SRPK2: variants seen among roughly 807,000 people sequenced by gnomAD.
SRPK2 encodes the protein SFRS protein kinase 2.
A neutral mutation model predicts 90.8 loss-of-function variants in SRPK2; 21 were observed. The observed-to-expected ratio is 0.23, with a 90% CI of 0.16 to 0.33. The LOEUF is 0.33. Among genes scored for constraint, SRPK2 ranks in the 10% least tolerant of loss-of-function variants. The probability of loss-of-function intolerance (pLI) is 1.00; values close to 1 mark genes in which losing one functional copy is unlikely to be tolerated. For missense variants in SRPK2, 620 were observed against 869.0 expected, an observed-to-expected ratio of 0.71 and a Z score of 3.60; for synonymous variants, 288 against 311.1, an observed-to-expected ratio of 0.93 and a Z score of 0.78.
At chr7:105,319,504 C>CGGGGGGGGG (rs796955446) in intron 2 of SRPK2, among the ~76,000 whole-genome samples, 1 of 5,306 alleles carries the variant, frequency 1.9e-4, no homozygotes, top group Non-Finnish European at 9.3e-4. Context: ...GCACTTGCGG[C>CGGGGGGGGG]GGGGGGGGGG....
chr7:105,397,978 G>C (rs568444607), intron 1 of SRPK2, among the ~76,000 whole-genome samples: 2 of 152,136 alleles, frequency 1.3e-5, no homozygotes, highest in African/African-American at 2.4e-5. Context: ...GATAAATAAT[G>C]TAATGAGGAT....
chr7:105,271,986 T>C (rs1026967119), intron 2 of SRPK2, among the ~76,000 whole-genome samples: 6 of 152,202 alleles, frequency 3.9e-5, no homozygotes, highest in African/African-American at 1.4e-4. Context: ...TCCTCTAATA[T>C]GCTTTATAAT....
At chr7:105,282,433 T>C (rs10248422) in intron 2 of SRPK2, among the ~76,000 whole-genome samples, 3 of 152,198 alleles carry the variant, frequency 2.0e-5, no homozygotes, top group South Asian at 4.1e-4. Context: ...AGGTATGACA[T>C]GAAAAGCACA....
chr7:105,210,894 T>TC (rs1354038774), intron 2 of SRPK2, among the ~76,000 whole-genome samples: 9 of 151,994 alleles, frequency 5.9e-5, no homozygotes, highest in Non-Finnish European at 1.2e-4. Context: ...GTGACGGTGC[T>TC]CCCTGCCAAC....
intron 6 of SRPK2, among the ~76,000 whole-genome samples, chr7:105,162,610 G>A (rs1272978730): frequency 6.6e-6 from 1 of 152,070 alleles, no homozygotes; most frequent in Admixed American, 6.5e-5. Context: ...TTTCTATACT[G>A]TTTAAGAATG....
chr7:105,374,067 A>AC (rs1820012583), intron 2 of SRPK2, among the ~76,000 whole-genome samples: 1 of 152,080 alleles, frequency 6.6e-6, no homozygotes, highest in Non-Finnish European at 1.5e-5. Flanking sequence ...AGCTGGGATT[A>AC]TGGCACATGC....
chr7:105,332,952 T>C lies in SRPK2; in HGVS notation c.71+55696A>G, dbSNP rs975903869. ...GGCTCACACCTGTAATTCCAGCCCT[T>C]TGGGAGGCCAAGGTGGGTAGGTCAC... On this transcript the variant is annotated intron_variant, in intron 2 of 15. Transcript: ENST00000393651. The C allele has an allele frequency of 4.6e-5, 7 of 151,794 alleles. No individual in the cohort carries two copies. In the East Asian group the frequency reaches 5.9e-4, roughly 13 times the overall value. The allele number at this position is 151,794 out of a possible 1,614,324, so 9.4% of individuals were successfully genotyped here. A position where few individuals can be genotyped will look rare whatever the true frequency, so the allele number is the denominator to read the frequency against.
At chr7:105,368,654 G>T (rs545927164) in intron 2 of SRPK2, among the ~76,000 whole-genome samples, 1 of 152,266 alleles carries the variant, frequency 6.6e-6, no homozygotes, top group South Asian at 2.1e-4. Flanking sequence ...GGAGGCCAGG[G>T]TTGGTGGATC....
chr7:105,367,364 G>C (rs1819194789), intron 2 of SRPK2, among the ~76,000 whole-genome samples: 1 of 152,108 alleles, frequency 6.6e-6, no homozygotes, highest in Non-Finnish European at 1.5e-5. Flanking sequence ...CTGGGGTCAA[G>C]CAATCCTCCC....
intron 2 of SRPK2, among the ~76,000 whole-genome samples, chr7:105,323,803 C>G (rs1246918709): frequency 6.6e-6 from 1 of 152,160 alleles, no homozygotes; most frequent in East Asian, 1.9e-4. Context: ...GGACATGACA[C>G]TCACATCTTT....
At chr7:105,312,587 TG>T (rs1317816461) in intron 2 of SRPK2, among the ~76,000 whole-genome samples, 1 of 152,208 alleles carries the variant, frequency 6.6e-6, no homozygotes, top group African/African-American at 2.4e-5. Flanking sequence ...GCAATTTTAA[TG>T]GAGCGCCTGC....
At chr7:105,360,297 T>C (rs1373115309) in intron 2 of SRPK2, among the ~76,000 whole-genome samples, 1 of 152,242 alleles carries the variant, frequency 6.6e-6, no homozygotes. Context: ...ATGGGTCTCC[T>C]GAATACAGCA....
intron 2 of SRPK2, among the ~76,000 whole-genome samples, chr7:105,371,029 T>C (rs1161821979): frequency 1.3e-5 from 2 of 152,190 alleles, no homozygotes; most frequent in African/African-American, 4.8e-5. Context: ...AGGATTTATC[T>C]AGTGAGGCTA....
intron 2 of SRPK2, among the ~76,000 whole-genome samples, chr7:105,217,477 ACTGTAT>A (rs1447085624): frequency 6.6e-6 from 1 of 152,226 alleles, no homozygotes; most frequent in Non-Finnish European, 1.5e-5. Context: ...ATACAGCACA[ACTGTAT>A]CTGACAAATG....
At chr7:105,227,122 T>G (rs1211954657) in intron 2 of SRPK2, among the ~76,000 whole-genome samples, 4 of 152,012 alleles carry the variant, frequency 2.6e-5, no homozygotes. Context: ...AAGTTAATTC[T>G]CAAACCAAGT....
intron 2 of SRPK2, among the ~76,000 whole-genome samples, chr7:105,318,051 C>T (rs1377375086): frequency 6.6e-6 from 1 of 152,080 alleles, no homozygotes; most frequent in Admixed American, 6.6e-5. Context: ...GCCACCATGC[C>T]GAGCCAAAAG....
intron 2 of SRPK2, among the ~76,000 whole-genome samples, chr7:105,273,431 CT>C (rs11284964): frequency 0.42 from 59,522 of 140,136 alleles, 13,212 homozygotes; most frequent in Non-Finnish European, 0.52. Context: ...TTCTTTTTTT[CT>C]TTTTTTTTTT....
At chr7:105,397,554 T>G (rs1723579675) in intron 1 of SRPK2, among the ~76,000 whole-genome samples, 1 of 151,920 alleles carries the variant, frequency 6.6e-6, no homozygotes, top group African/African-American at 2.4e-5. Context: ...GGTCTCGAAC[T>G]CCTCACCTTG....
chr7:105,179,576 G>A (rs1792459026), intron 3 of SRPK2, among the ~76,000 whole-genome samples: 1 of 152,142 alleles, frequency 6.6e-6, no homozygotes, highest in African/African-American at 2.4e-5. Flanking sequence ...TGTAATCCGA[G>A]CACTTTGGGA....
Sources: gnomAD v4.1 joint callset for allele counts (sites outside exome capture counted in the v4.1 genomes callset) on GRCh38, gnomAD v4.1.1 for gene constraint, MANE v1.5 for transcripts, NCBI Gene and HGNC (gene_info 2026-07-23, HGNC 2026-07-21) for gene names.